NTM: variants seen among roughly 807,000 people sequenced by gnomAD.
NTM encodes the protein neurotrimin.
In NTM, 13 loss-of-function variants were observed where a neutral mutation model predicts 42.1. That is an observed-to-expected ratio of 0.31 (90% CI 0.20 to 0.49). The LOEUF (loss-of-function observed/expected upper bound fraction) is 0.49, where lower values mean the gene tolerates loss of function less well. Among genes scored for constraint, NTM ranks in the 20% least tolerant of loss-of-function variants. NTM has a pLI of 0.99. For synonymous variants in NTM, 187 were observed against 179.2 expected (o/e 1.04, Z -0.35); for missense variants, 373 against 452.8 (o/e 0.82, Z 1.60).
intron 2 of NTM, among the ~76,000 whole-genome samples, chr11:131,926,157 G>A (rs1303429650): frequency 6.6e-6 from 1 of 152,094 alleles, no homozygotes; most frequent in Non-Finnish European, 1.5e-5. Flanking sequence ...CACAGACCAA[G>A]TAGGAGTAGG....
At chr11:131,780,008 C>T (rs1015652325) in intron 1 of NTM, among the ~76,000 whole-genome samples, 1 of 152,200 alleles carries the variant, frequency 6.6e-6, no homozygotes, top group Non-Finnish European at 1.5e-5. Context: ...GAATCTCTGC[C>T]TTCACCACAT....
chr11:132,005,950 C>T (rs2070662831), intron 2 of NTM, among the ~76,000 whole-genome samples: 1 of 152,182 alleles, frequency 6.6e-6, no homozygotes, highest in Non-Finnish European at 1.5e-5. Context: ...AAGATTTTAA[C>T]CACATTTGCG....
At chr11:131,374,290 AC>A (rs1941655162) in intron 1 of NTM, among the ~76,000 whole-genome samples, 1 of 152,160 alleles carries the variant, frequency 6.6e-6, no homozygotes, top group Admixed American at 6.5e-5. Flanking sequence ...TTAGGAGGCC[AC>A]CCCACCAATG....
At chr11:131,417,834 G>A (rs1947109691) in intron 1 of NTM, among the ~76,000 whole-genome samples, 1 of 152,174 alleles carries the variant, frequency 6.6e-6, no homozygotes, top group Non-Finnish European at 1.5e-5. Flanking sequence ...TCCACAACAT[G>A]TACTGCTAGA....
At chr11:132,127,107 C>A (rs2065969030) in intron 2 of NTM, among the ~76,000 whole-genome samples, 1 of 152,106 alleles carries the variant, frequency 6.6e-6, no homozygotes, top group Non-Finnish European at 1.5e-5. Flanking sequence ...TCAAACTGCC[C>A]CCCAAAGTCC....
chr11:132,204,186 T>A (rs1048925123), intron 3 of NTM, among the ~76,000 whole-genome samples: 11 of 152,100 alleles, frequency 7.2e-5, no homozygotes, highest in Admixed American at 7.2e-4. Context: ...AAAATAAAGG[T>A]AATATAGCCA....
chr11:132,065,465 C>G (rs748215739), intron 2 of NTM, among the ~76,000 whole-genome samples: 2 of 152,184 alleles, frequency 1.3e-5, no homozygotes, highest in Non-Finnish European at 2.9e-5. Context: ...CACACTGTCT[C>G]TCTTCTCACT....
chr11:132,245,816 G>T (rs185474402), intron 4 of NTM, among the ~76,000 whole-genome samples: 1 of 152,168 alleles, frequency 6.6e-6, no homozygotes, highest in Non-Finnish European at 1.5e-5. Context: ...TCTTTCTTAG[G>T]AGTTGCAGCA....
At chr11:131,641,459 C>T (rs533200852) in intron 1 of NTM, among the ~76,000 whole-genome samples, 1 of 152,300 alleles carries the variant, frequency 6.6e-6, no homozygotes, top group South Asian at 2.1e-4. Flanking sequence ...AGAGCTGCGA[C>T]CTACCTCTAC....
chr11:131,370,632 A>G lies in NTM; in HGVS notation c.-175A>G. On this transcript the variant is annotated 5_prime_UTR_variant, in exon 1 of 9. In the 5' UTR this introduces an upstream ATG that the reference lacks. Coordinates refer to ENST00000683400, the MANE Select transcript of NTM (RefSeq NM_001352005.2). ...TCAGTGCCAGAGTATGAGTGGAGAT[A>G]ATTACGGAGAAGTCATACTCTCTCA... 1.6e-6 allele frequency: 1 copy of G among 607,368 alleles called. No individual in the cohort carries two copies. Among genetic ancestry groups the G allele is most frequent in the East Asian group, 2.8e-5 (1 of 36,332 alleles). The allele number at this position is 607,368 out of a possible 1,614,324, so 37.6% of individuals were successfully genotyped here. A position where few individuals can be genotyped will look rare whatever the true frequency, so the allele number is the denominator to read the frequency against.
At chr11:131,937,390 CAGG>C (rs1369758990) in intron 2 of NTM, among the ~76,000 whole-genome samples, 1 of 152,128 alleles carries the variant, frequency 6.6e-6, no homozygotes, top group African/African-American at 2.4e-5. Flanking sequence ...TGAGCTCACA[CAGG>C]AGTTGTGTGG....
At chr11:132,009,253 C>A (rs1193808571) in intron 2 of NTM, among the ~76,000 whole-genome samples, 1 of 152,214 alleles carries the variant, frequency 6.6e-6, no homozygotes, top group Non-Finnish European at 1.5e-5. Context: ...TTAATTCCTG[C>A]CACCCAGGGA....
At chr11:132,102,445 T>C (rs2061739127) in intron 2 of NTM, among the ~76,000 whole-genome samples, 1 of 152,138 alleles carries the variant, frequency 6.6e-6, no homozygotes, top group South Asian at 2.1e-4. Flanking sequence ...ACTGGATCTG[T>C]CTTGGGACAC....
chr11:131,822,667 T>G (rs73579958), intron 1 of NTM, among the ~76,000 whole-genome samples: 2,777 of 152,284 alleles, frequency 0.018, 80 homozygotes, highest in African/African-American at 0.064. Flanking sequence ...CAATGTAATG[T>G]GTTACTTTCG....
chr11:131,506,691 C>T (rs1469954652), intron 1 of NTM, among the ~76,000 whole-genome samples: 1 of 152,210 alleles, frequency 6.6e-6, no homozygotes, highest in Admixed American at 6.5e-5. Flanking sequence ...AGAGAAGCCA[C>T]AGGAGTTTGA....
chr11:131,821,993 G>A (rs930478884), intron 1 of NTM, among the ~76,000 whole-genome samples: 3 of 152,156 alleles, frequency 2.0e-5, no homozygotes, highest in Non-Finnish European at 4.4e-5. Flanking sequence ...ACTTTGAGAA[G>A]GTAGAATTTC....
At chr11:131,610,690 T>G (rs1448364376) in intron 1 of NTM, among the ~76,000 whole-genome samples, 1 of 152,012 alleles carries the variant, frequency 6.6e-6, no homozygotes, top group Non-Finnish European at 1.5e-5. Context: ...CACCCGCAGA[T>G]CGATAGCATC....
chr11:131,609,964 T>C (rs1278321316), intron 1 of NTM, among the ~76,000 whole-genome samples: 3 of 152,204 alleles, frequency 2.0e-5, no homozygotes, highest in Admixed American at 2.0e-4. Context: ...CCCTGCTCTT[T>C]GTAACAGGAG....
At chr11:132,125,690 T>C (rs1331511180) in intron 2 of NTM, among the ~76,000 whole-genome samples, 20 of 1,290 alleles carry the variant, frequency 0.016, no homozygotes, top group African/African-American at 0.044. Flanking sequence ...TAGTGGGGTA[T>C]GTGGTGTGAG....
Sources: allele counts gnomAD v4.1 joint callset (sites outside exome capture counted in the v4.1 genomes callset), GRCh38; gene constraint gnomAD v4.1.1; transcripts MANE v1.5; gene names NCBI Gene and HGNC (gene_info 2026-07-23, HGNC 2026-07-21).